ULK2: variants seen among roughly 807,000 people sequenced by gnomAD.
ULK2 encodes the protein serine/threonine-protein kinase ULK2.
Under a neutral mutation model 127.5 loss-of-function variants are expected in ULK2, and 76 were observed. The ratio of observed to expected loss-of-function variants is 0.60; its 90% CI spans 0.50 to 0.72. The LOEUF (loss-of-function observed/expected upper bound fraction) is 0.72. ULK2 is among the 30% of genes least tolerant of loss of function. ULK2 has a pLI of 0.00. For synonymous variants in ULK2, 452 were observed against 461.9 expected (o/e 0.98, Z 0.28); for missense variants, 1,144 against 1,295.9 (o/e 0.88, Z 1.80).
Position 19,797,740 on chromosome 17 carries a change from T to C in ULK2, c.1523-58A>G, listed in dbSNP as rs116876952. Reference sequence around the variant, plus strand: ...AGTGAAGAAGTGCAGTGCAAAAATGTAAAAATTAAGAAGACAATTTTTAAA... The same window carrying C: ...AGTGAAGAAGTGCAGTGCAAAAATGCAAAAATTAAGAAGACAATTTTTAAA... On this transcript the variant is annotated intron_variant, in intron 17 of 26. Transcript: ENST00000395544. The C allele has an allele frequency of 5.0e-3, 6,824 of 1,361,902 alleles. 29 individuals are homozygous for C. Among genetic ancestry groups the C allele is most frequent in the Non-Finnish European group, 5.7e-3 (5,916 of 1,043,594 alleles). The allele number at this position is 1,361,902 out of a possible 1,614,324, so 84.4% of individuals were successfully genotyped here.
chr17:19,805,433 A>G (rs951163261), intron 14 of ULK2, among the ~76,000 whole-genome samples: 1 of 152,226 alleles, frequency 6.6e-6, no homozygotes, highest in Non-Finnish European at 1.5e-5. Context: ...TTCACTTTAC[A>G]ACATATCCTA....
At chr17:19,853,564 G>A (rs886221225) in intron 3 of ULK2, among the ~76,000 whole-genome samples, 3 of 149,408 alleles carry the variant, frequency 2.0e-5, no homozygotes, top group East Asian at 2.1e-4. Flanking sequence ...CCTACAATTC[G>A]GCCCCACCTT....
chr17:19,816,136 A>G (rs535639456), intron 13 of ULK2, among the ~76,000 whole-genome samples: 2 of 152,336 alleles, frequency 1.3e-5, no homozygotes, highest in South Asian at 4.1e-4. Context: ...TCAGCACTTG[A>G]TATTATTCAA....
At position 19,844,403 on chromosome 17, in the gene ULK2, C is replaced by T. The variant is rs201407536; in HGVS notation, c.543+901G>A. ...CCTCCCAAGTAGCTGGGACTAAAGG[C>T]ACGCCATCACTACACCCAGCTCAGG... On this transcript the variant is annotated intron_variant, in intron 7 of 26. Coordinates refer to ENST00000395544, the MANE Select transcript of ULK2 (RefSeq NM_014683.4). Among the ~76,000 whole-genome samples, 30 of 152,254 alleles carry T rather than the reference C, an allele frequency of 2.0e-4. No individual in the cohort carries two copies. In the East Asian group the frequency reaches 4.6e-3, roughly 23 times the overall value.
intron 10 of ULK2, among the ~76,000 whole-genome samples, chr17:19,829,381 C>T (rs2041374311): frequency 6.6e-6 from 1 of 151,754 alleles, no homozygotes. Flanking sequence ...ACAAAAAATA[C>T]AAAAATTAGC....
In ULK2 at chr17:19,783,374, C is replaced by T. The variant is rs932466814; in HGVS notation, c.2460+323G>A. Among the ~76,000 whole-genome samples the T allele has an allele frequency of 3.9e-5, 6 of 152,086 alleles. No individual in the cohort carries two copies. The South Asian group carries it at 1.0e-3, about 26-fold the overall frequency. On this transcript the variant is annotated intron_variant, in intron 22 of 26. Coordinates refer to ENST00000395544, the MANE Select transcript of ULK2 (RefSeq NM_014683.4). ...GGCTGAGGCAGGAGAATTGCTTGAA[C>T]CCAGGAGGCAGAGGTGGGAGTGAGC...
chr17:19,836,799 G>A (rs895559744), intron 10 of ULK2, among the ~76,000 whole-genome samples: 14 of 151,544 alleles, frequency 9.2e-5, no homozygotes, highest in African/African-American at 1.9e-4. Flanking sequence ...CCAGCTACTC[G>A]GGAGGCTGAG....
chr17:19,814,448 T>TGTTTGTTTGTTTG (rs1467778986), intron 13 of ULK2, among the ~76,000 whole-genome samples: 2 of 8,092 alleles, frequency 2.5e-4, no homozygotes, highest in African/African-American at 7.1e-4. Context: ...ATTTTTTTTT[T>TGTTTGTTTGTTTG]TTTTTTTTTT....
chr17:19,819,041 C>T (rs1452430401), intron 12 of ULK2, among the ~76,000 whole-genome samples: 5 of 152,002 alleles, frequency 3.3e-5, no homozygotes, highest in Non-Finnish European at 5.9e-5. Context: ...CCTCATGATC[C>T]ACCCGCCTCA....
chr17:19,840,201 T>A, intron 9 of ULK2: 1 of 494,422 alleles, frequency 2.0e-6, no homozygotes, highest in Non-Finnish European at 4.2e-6. Context: ...ATACAACATA[T>A]CTCCGGACAC....
chr17:19,861,989 G>A (rs1160851382), intron 3 of ULK2, among the ~76,000 whole-genome samples: 1 of 151,980 alleles, frequency 6.6e-6, no homozygotes, highest in Non-Finnish European at 1.5e-5. Context: ...TATTTGACTT[G>A]GTCTTTCCAA....
chr17:19,826,316 T>G (rs1597775719), intron 10 of ULK2, 130 bp from the exon 11 acceptor site: 1 of 426,256 alleles, frequency 2.3e-6, no homozygotes, highest in East Asian at 3.9e-5. Flanking sequence ...TAGGCTCCAT[T>G]TCCTTTAAAT....
chr17:19,862,765 TG>T (rs2042269979), intron 3 of ULK2, among the ~76,000 whole-genome samples: 1 of 152,036 alleles, frequency 6.6e-6, no homozygotes, highest in Non-Finnish European at 1.5e-5. Flanking sequence ...CGTGCCCAGC[TG>T]AAAAATGACA....
intron 3 of ULK2, among the ~76,000 whole-genome samples, chr17:19,851,368 T>G (rs533423188): frequency 7.2e-6 from 1 of 138,448 alleles, no homozygotes; most frequent in African/African-American, 2.8e-5. Context: ...CTGGGCACAG[T>G]GGCTCACACC....
Position 19,775,389 on chromosome 17 carries a change from A to G in ULK2, c.*960T>C, listed in dbSNP as rs918055359. ...AGGTCACCAACTTTGTTTTGGCCCT[A>G]TTCAAATTATCAAGAGTATCTCTTG... On this transcript the variant is annotated 3_prime_UTR_variant, in exon 27 of 27. Transcript: ENST00000395544. 2.6e-5 allele frequency: 4 copies of G among 152,612 alleles called. No homozygotes were observed. Among genetic ancestry groups the G allele is most frequent in the African/African-American group, 7.2e-5 (3 of 41,452 alleles). 9.5% of individuals were successfully genotyped at this position (152,612 alleles called of 1,614,324 possible).
chr17:19,796,218 C>T lies in ULK2; in HGVS notation c.1874G>A (p.Arg625His), dbSNP rs372735795. Residue 625 changes from arginine (R) to histidine (H), a missense_variant, in exon 19 of 27, where the codon CGT (arginine) becomes CAT (histidine). Physicochemically the swap from Arg to His is conservative, Grantham distance 29. This residue lies in a region of ULK2 where 913 missense variants were observed against 970.5 expected (regional missense o/e 0.94). Transcript: ENST00000395544. ...CGACTGTTCTTCAGCAGGCCCATGA[C>T]GAGTAACCAAGGCTAACAGGTTGGA... Reference protein sequence around the residue: ...ASSNLLALVTRHGPAEEQSKD... With the variant: ...ASSNLLALVTHHGPAEEQSKD... The T allele has an allele frequency of 4.7e-5, 76 of 1,613,830 alleles. 1 individual carries two copies. Among genetic ancestry groups the T allele is most frequent in the South Asian group, 3.5e-4 (32 of 91,068 alleles).
chr17:19,782,330 C>A (rs905157294), intron 22 of ULK2, among the ~76,000 whole-genome samples: 1 of 151,892 alleles, frequency 6.6e-6, no homozygotes, highest in African/African-American at 2.4e-5. Context: ...TGTGCTTTTA[C>A]CAGAAAAAGA....
intron 12 of ULK2, among the ~76,000 whole-genome samples, chr17:19,818,007 A>T (rs970168277): frequency 6.6e-6 from 1 of 152,090 alleles, no homozygotes; most frequent in Non-Finnish European, 1.5e-5. Context: ...CTGTTAAAAG[A>T]GCTTTCCGGC....
At chr17:19,847,809 C>T (rs755628466) in intron 5 of ULK2, among the ~76,000 whole-genome samples, 1 of 152,186 alleles carries the variant, frequency 6.6e-6, no homozygotes, top group African/African-American at 2.4e-5. Flanking sequence ...CAGCTGCCCA[C>T]AGTGCTGGGA....
Sources: gnomAD v4.1 joint callset for allele counts (sites outside exome capture counted in the v4.1 genomes callset) on GRCh38, gnomAD v4.1.1 for gene constraint, gnomAD v4.1.1 regional missense constraint, MANE v1.5 for transcripts, NCBI Gene and HGNC (gene_info 2026-07-23, HGNC 2026-07-21) for gene names.